Variants in ERBB3 observed in about 807,000 individuals in gnomAD.
ERBB3 encodes the protein receptor tyrosine-protein kinase erbB-3.
In ERBB3, 96 loss-of-function variants were observed where a neutral mutation model predicts 156.7. The observed-to-expected ratio is 0.61, with a 90% CI of 0.52 to 0.73. The LOEUF (loss-of-function observed/expected upper bound fraction) is 0.73, where lower values mean the gene tolerates loss of function less well. Ranked by LOEUF, ERBB3 falls within the 30% of genes least tolerant of loss-of-function variation. The probability of loss-of-function intolerance (pLI) is 0.00; values close to 1 mark genes in which losing one functional copy is unlikely to be tolerated. For missense variants in ERBB3, 1,406 were observed against 1,709.4 expected, an observed-to-expected ratio of 0.82 and a Z score of 3.13; for synonymous variants, 567 against 632.0, an observed-to-expected ratio of 0.90 and a Z score of 1.54.
At chr12:56,092,334 A>T (rs1592228731) in intron 9 of ERBB3, among the ~76,000 whole-genome samples, 1 of 125,212 alleles carries the variant, frequency 8.0e-6, no homozygotes, top group African/African-American at 3.0e-5. Context: ...GGTTGCAGTG[A>T]GCTGAGATTG....
intron 16 of ERBB3, 86 bp from the exon 17 acceptor site, chr12:56,095,579 G>C: frequency 1.3e-6 from 2 of 1,511,874 alleles, no homozygotes; most frequent in Non-Finnish European, 1.8e-6. Flanking sequence ...CCCCAGGTCA[G>C]CATCATACCT....
Position 56,102,634 on chromosome 12 carries a change from C to A in ERBB3, c.*579C>A, listed in dbSNP as rs1348329836. The A allele has an allele frequency of 4.3e-6, 1 of 232,776 alleles. No individual in the cohort carries two copies. The highest frequency in any genetic ancestry group is 8.5e-6 in the Non-Finnish European group (1 of 117,954). 14.4% of individuals were successfully genotyped at this position (232,776 alleles called of 1,614,324 possible). A position where few individuals can be genotyped will look rare whatever the true frequency, so the allele number is the denominator to read the frequency against. ...TACATTATCTCACTTAGTCCTTTAT[C>A]ATCCTTAAAACAATTCTGTGACATA... is the stretch of plus-strand genomic sequence containing the variant. On this transcript the variant is annotated 3_prime_UTR_variant, in exon 28 of 28. Coordinates refer to ENST00000267101, the MANE Select transcript of ERBB3 (RefSeq NM_001982.4).
At chr12:56,100,142 A>T in intron 25 of ERBB3, 32 bp from the exon 26 acceptor site, 1 of 1,606,586 alleles carries the variant, frequency 6.2e-7, no homozygotes, top group Non-Finnish European at 8.5e-7. Context: ...TTCTCCCTTC[A>T]TCTTAACCTT....
At chr12:56,091,299 T>TATAAATATGTATTACA in intron 9 of ERBB3, among the ~76,000 whole-genome samples, 1 of 1,384 alleles carries the variant, frequency 7.2e-4, no homozygotes, top group South Asian at 0.017. Context: ...TATATATAAA[T>TATAAATATGTATTACA]AATATATATA....
At chr12:56,092,088 TAAA>T (rs778531663) in intron 9 of ERBB3, among the ~76,000 whole-genome samples, 7 of 111,810 alleles carry the variant, frequency 6.3e-5, no homozygotes, top group Non-Finnish European at 3.7e-5. Flanking sequence ...CCCTGTCTCT[TAAA>T]AAAAAAAAAA....
rs375212605 is a variant in ERBB3 at position 56,098,815 on chromosome 12, T to C, written c.2749T>C (p.Leu917=). ...GGCAGAGCCCTATGCAGGGCTACGA[T>C]TGGCTGAAGTACCAGACCTGCTAGA... The part of the protein sequence containing the change: ...FGAEPYAGLR[L]AEVPDLLEKG... The change falls in exon 23 of 28, where the codon TTG becomes CTG. Residue 917 remains leucine (L), a synonymous_variant. Coordinates refer to ENST00000267101, the MANE Select transcript of ERBB3 (RefSeq NM_001982.4). 1.4e-5 allele frequency: 23 copies of C among 1,613,982 alleles called. No homozygotes were observed. Among genetic ancestry groups the C allele is most frequent in the African/African-American group, 2.7e-5 (2 of 74,904 alleles).
At chr12:56,098,955 CTTTTTT>C in intron 23 of ERBB3, 50 bp downstream of exon 23, 5 of 1,270,866 alleles carry the variant, frequency 3.9e-6, no homozygotes, top group Non-Finnish European at 5.4e-6. Context: ...CTTTTTTTTT[CTTTTTT>C]TTTTTTTTTT....
chr12:56,088,281 T>G lies in ERBB3; in HGVS notation c.874+119T>G. On this transcript the variant is annotated intron_variant, in intron 7 of 27. Coordinates refer to ENST00000267101, the MANE Select transcript of ERBB3 (RefSeq NM_001982.4). ...AAATAGGGAGATTGGTGAATGGTTA[T>G]GATCATCTAACCACTCCAGTGAGTG... is the stretch of plus-strand genomic sequence containing the variant. 2.6e-6 allele frequency: 3 copies of G among 1,147,606 alleles called. No homozygotes were observed. In the East Asian group the frequency reaches 7.5e-5, roughly 29 times the overall value. The allele number at this position is 1,147,606 out of a possible 1,614,324, so 71.1% of individuals were successfully genotyped here.
intron 22 of ERBB3, 80 bp downstream of exon 22, chr12:56,098,655 C>T: frequency 6.3e-7 from 1 of 1,577,746 alleles, no homozygotes; most frequent in Non-Finnish European, 8.7e-7. Flanking sequence ...CTTAGAATCT[C>T]TAAGCACTTC....
At position 56,097,010 on chromosome 12, in the gene ERBB3, T is replaced by C. The variant is rs144436014; in HGVS notation, c.2275-35T>C. On this transcript the variant is annotated intron_variant, in intron 19 of 27. Transcript: ENST00000267101. The stretch of plus-strand genomic sequence containing the variant: ...CACATGCTGAGTGTATGTGAACCTG[T>C]TGGTTTCCTAGATAATACCTTTTGT... 3.7e-4 allele frequency: 589 copies of C among 1,607,916 alleles called. 2 individuals are homozygous for C. In the African/African-American group the frequency reaches 6.7e-3, roughly 18 times the overall value.
At chr12:56,101,471 A>T (rs765777084) in intron 27 of ERBB3, 58 bp from the exon 28 acceptor site, 73 of 1,603,560 alleles carry the variant, frequency 4.6e-5, no homozygotes, top group Admixed American at 1.0e-4. Flanking sequence ...ATTTTTTCAA[A>T]CTTTCCCCTA....
At position 56,085,186 on chromosome 12, in the gene ERBB3, G is replaced by C; in HGVS notation, c.421+5G>C. On this transcript the variant is annotated splice_donor_5th_base_variant and intron_variant, in intron 3 of 27. Transcript: ENST00000267101. The stretch of plus-strand genomic sequence containing the variant: ...TCCGCTTGACTCAGCTCACCGGTCA[G>C]TTCCCGATGGTTCCTTCTGGCCTCA... 6.2e-7 allele frequency: 1 copy of C among 1,614,174 alleles called. No homozygotes were observed. The highest frequency in any genetic ancestry group is 8.5e-7 in the Non-Finnish European group (1 of 1,180,024).
intron 26 of ERBB3, among the ~76,000 whole-genome samples, chr12:56,100,559 T>C (rs555527897): frequency 6.6e-6 from 1 of 151,456 alleles, no homozygotes; most frequent in East Asian, 1.9e-4. Context: ...GGAGAATCGC[T>C]TGAACCCGGG....
intron 1 of ERBB3, among the ~76,000 whole-genome samples, chr12:56,082,732 C>A (rs1868368216): frequency 6.6e-6 from 1 of 152,158 alleles, no homozygotes; most frequent in Non-Finnish European, 1.5e-5. Flanking sequence ...CGTTGTCCAC[C>A]ACATTTGCAA....
At chr12:56,087,445 C>T (rs1272272435) in intron 4 of ERBB3, 132 bp from the exon 5 acceptor site, 6 of 821,194 alleles carry the variant, frequency 7.3e-6, no homozygotes, top group African/African-American at 5.0e-5. Context: ...TCTCCAAGGG[C>T]AGGGAGGGAC....
intron 13 of ERBB3, 95 bp downstream of exon 13, chr12:56,093,991 C>A (rs1386890841): frequency 1.3e-6 from 2 of 1,576,284 alleles, no homozygotes; most frequent in Non-Finnish European, 1.7e-6. Flanking sequence ...AGACAGCTTT[C>A]TGCATGTGCC....
intron 4 of ERBB3, among the ~76,000 whole-genome samples, chr12:56,087,241 C>G (rs1406693763): frequency 6.6e-6 from 1 of 152,152 alleles, no homozygotes; most frequent in Non-Finnish European, 1.5e-5. Context: ...TTCCTTGGAG[C>G]CCACCTTCCC....
intron 6 of ERBB3, 47 bp downstream of exon 6, chr12:56,087,960 T>C: frequency 1.2e-6 from 2 of 1,613,866 alleles, no homozygotes; most frequent in Non-Finnish European, 1.7e-6. Flanking sequence ...GGATGTGGCC[T>C]TTGAGGAGGA....
intron 9 of ERBB3, among the ~76,000 whole-genome samples, chr12:56,092,161 G>A (rs1272546767): frequency 4.6e-5 from 7 of 151,340 alleles, no homozygotes; most frequent in South Asian, 2.1e-4. Flanking sequence ...AGGCCGAGGC[G>A]GGCGGATCAC....
Sources: gnomAD v4.1 joint callset for allele counts (sites outside exome capture counted in the v4.1 genomes callset) on GRCh38, gnomAD v4.1.1 for gene constraint, MANE v1.5 for transcripts, NCBI Gene and HGNC (gene_info 2026-07-23, HGNC 2026-07-21) for gene names.